The following RAB31 variants were observed in gnomAD, a reference collection of about 807,000 sequenced individuals.
RAB31 encodes RAB31, member RAS oncogene family.
RAB31 carries 21 observed loss-of-function variants against 25.6 expected under a neutral mutation model. That is an observed-to-expected ratio of 0.82 (90% CI 0.58 to 1.18). The LOEUF is 1.18. Ranked by LOEUF, RAB31 falls within the 50% of genes most tolerant of loss-of-function variation. The pLI is 0.00. For synonymous variants in RAB31, 87 were observed against 84.0 expected, an observed-to-expected ratio of 1.04 and a Z score of -0.20; for missense variants, 196 against 250.1, an observed-to-expected ratio of 0.78 and a Z score of 1.46.
chr18:9,801,471 C>T (rs2068513593), intron 3 of RAB31, among the ~76,000 whole-genome samples: 2 of 152,018 alleles, frequency 1.3e-5, no homozygotes, highest in South Asian at 4.1e-4. Flanking sequence ...TTAGTAGAGA[C>T]AGGGTTTTAC....
At chr18:9,770,289 G>C (rs2068337681) in intron 1 of RAB31, among the ~76,000 whole-genome samples, 1 of 152,076 alleles carries the variant, frequency 6.6e-6, no homozygotes, top group Admixed American at 6.6e-5. Context: ...GTAGTGGGAG[G>C]TATCATTCTT....
intron 3 of RAB31, among the ~76,000 whole-genome samples, chr18:9,811,428 G>T (rs1170025987): frequency 2.0e-5 from 3 of 152,176 alleles, no homozygotes; most frequent in African/African-American, 7.2e-5. Context: ...ATTTCAGTTT[G>T]GCAAGTATTG....
intron 1 of RAB31, among the ~76,000 whole-genome samples, chr18:9,725,744 A>G (rs1221518852): frequency 6.6e-6 from 1 of 152,232 alleles, no homozygotes; most frequent in African/African-American, 2.4e-5. Flanking sequence ...AAAACATGCA[A>G]ATTCCCACAA....
rs2068840909 is a variant in RAB31, at chr18:9,860,357, A to G, written c.*1032A>G. Reference sequence around the variant, plus strand: ...AAATTCTAGACCCCAAAAAACTACAAAATCAGAAAAAGTATTTTTATGTTT... The same window carrying G: ...AAATTCTAGACCCCAAAAAACTACAGAATCAGAAAAAGTATTTTTATGTTT... On this transcript the variant is annotated 3_prime_UTR_variant, in exon 7 of 7. Coordinates refer to ENST00000578921, the MANE Select transcript of RAB31 (RefSeq NM_006868.4). 1 of 152,216 alleles carries G rather than the reference A, an allele frequency of 6.6e-6. No individual in the cohort carries two copies. Among genetic ancestry groups the G allele is most frequent in the African/African-American group, 2.4e-5 (1 of 41,446 alleles). The allele number at this position is 152,216 out of a possible 1,614,324, so 9.4% of individuals were successfully genotyped here.
chr18:9,813,366 A>G (rs1336169826), intron 3 of RAB31, among the ~76,000 whole-genome samples: 1 of 152,188 alleles, frequency 6.6e-6, no homozygotes, highest in East Asian at 1.9e-4. Flanking sequence ...TTACTGCCGC[A>G]TAATTCTAAT....
intron 3 of RAB31, among the ~76,000 whole-genome samples, chr18:9,798,558 A>G (rs893926007): frequency 2.6e-5 from 4 of 152,168 alleles, no homozygotes; most frequent in African/African-American, 7.2e-5. Flanking sequence ...TAAACAAACA[A>G]TCACTTTGGG....
At chr18:9,764,032 G>C (rs555634369) in intron 1 of RAB31, among the ~76,000 whole-genome samples, 1 of 152,336 alleles carries the variant, frequency 6.6e-6, no homozygotes, top group African/African-American at 2.4e-5. Context: ...GGTGTCCACT[G>C]TAGAGTGCTG....
At chr18:9,786,267 A>G (rs1391698658) in intron 2 of RAB31, among the ~76,000 whole-genome samples, 2 of 152,246 alleles carry the variant, frequency 1.3e-5, no homozygotes, top group African/African-American at 4.8e-5. Flanking sequence ...AGTTTCCTGG[A>G]AAGTGGCGCC....
intron 3 of RAB31, among the ~76,000 whole-genome samples, chr18:9,794,185 A>T (rs772750316): frequency 6.6e-6 from 1 of 152,184 alleles, no homozygotes; most frequent in African/African-American, 2.4e-5. Flanking sequence ...GTGAGCTACC[A>T]TTTGGGGCCT....
At chr18:9,774,118 G>T (rs927378565) in intron 1 of RAB31, among the ~76,000 whole-genome samples, 2 of 152,132 alleles carry the variant, frequency 1.3e-5, no homozygotes, top group African/African-American at 4.8e-5. Context: ...TAAGTTGAAA[G>T]CTCTGTTTGT....
intron 3 of RAB31, among the ~76,000 whole-genome samples, chr18:9,796,008 G>T (rs1347244166): frequency 2.0e-5 from 3 of 152,130 alleles, no homozygotes; most frequent in African/African-American, 7.2e-5. Context: ...AGTGGATAAA[G>T]AAAATGTGGT....
intron 1 of RAB31, among the ~76,000 whole-genome samples, chr18:9,743,486 G>C (rs1005463649): frequency 6.6e-6 from 1 of 152,140 alleles, no homozygotes; most frequent in Non-Finnish European, 1.5e-5. Context: ...TGATTCACTG[G>C]AGGGCTAGTT....
chr18:9,828,158 C>A (rs573248673), intron 5 of RAB31, among the ~76,000 whole-genome samples: 8 of 152,036 alleles, frequency 5.3e-5, no homozygotes, highest in Admixed American at 1.3e-4. Flanking sequence ...AGGGAGGGGC[C>A]GTCAAGAATA....
intron 5 of RAB31, among the ~76,000 whole-genome samples, chr18:9,836,925 AAG>A (rs1416465406): frequency 7.9e-6 from 1 of 126,512 alleles, no homozygotes; most frequent in African/African-American, 3.0e-5. Context: ...GAAACACATG[AAG>A]AGAGTCAGCA....
At chr18:9,807,747 A>G (rs1208356129) in intron 3 of RAB31, among the ~76,000 whole-genome samples, 2 of 151,896 alleles carry the variant, frequency 1.3e-5, no homozygotes, top group African/African-American at 2.4e-5. Context: ...GCCAAGGCAA[A>G]AAGATCACTT....
chr18:9,828,773 TA>T (rs2068662735), intron 5 of RAB31, among the ~76,000 whole-genome samples: 2 of 152,292 alleles, frequency 1.3e-5, no homozygotes, highest in Admixed American at 1.3e-4. Flanking sequence ...TGCTGGACCT[TA>T]AAAATCCAAT....
At chr18:9,797,189 G>A (rs188738232) in intron 3 of RAB31, among the ~76,000 whole-genome samples, 39 of 152,252 alleles carry the variant, frequency 2.6e-4, no homozygotes, top group African/African-American at 8.4e-4. Context: ...CTTGATATAC[G>A]TGTGTATTAC....
intron 2 of RAB31, among the ~76,000 whole-genome samples, chr18:9,779,115 A>G (rs1196869066): frequency 2.0e-5 from 3 of 152,196 alleles, no homozygotes; most frequent in Admixed American, 1.3e-4. Flanking sequence ...AAGTGGGCCC[A>G]TGACATTCAA....
intron 1 of RAB31, among the ~76,000 whole-genome samples, chr18:9,733,194 A>G (rs2068132203): frequency 1.3e-5 from 2 of 152,216 alleles, no homozygotes; most frequent in Non-Finnish European, 2.9e-5. Context: ...TTGCTAATTC[A>G]GTGGGAATTG....
Sources: allele counts gnomAD v4.1 joint callset (sites outside exome capture counted in the v4.1 genomes callset), GRCh38; gene constraint gnomAD v4.1.1; transcripts MANE v1.5; gene names NCBI Gene and HGNC (gene_info 2026-07-23, HGNC 2026-07-21).